The following VIPR2 variants were observed in gnomAD, a reference collection of about 807,000 sequenced individuals.
VIPR2 encodes the protein vasoactive intestinal polypeptide receptor 2.
A neutral mutation model predicts 58.0 loss-of-function variants in VIPR2; 48 were observed. The ratio of observed to expected loss-of-function variants is 0.83; its 90% CI spans 0.66 to 1.05. The LOEUF is 1.05. VIPR2 is among the 50% of genes least tolerant of loss of function. The pLI, the probability that VIPR2 is intolerant of heterozygous loss-of-function variation, is 0.00. For missense variants in VIPR2, 534 were observed against 558.0 expected (o/e 0.96, Z 0.43); for synonymous variants, 243 against 235.2 (o/e 1.03, Z -0.30).
intron 2 of VIPR2, among the ~76,000 whole-genome samples, chr7:159,134,663 CTTT>C (rs1380328529): frequency 6.9e-6 from 1 of 145,396 alleles, no homozygotes. Flanking sequence ...TATTTTCTTT[CTTT>C]TTTTTTTTTG....
At chr7:159,063,462 CGCTGGCCCGCAA>C (rs1563288012) in intron 4 of VIPR2, among the ~76,000 whole-genome samples, 2 of 151,958 alleles carry the variant, frequency 1.3e-5, no homozygotes, top group Admixed American at 1.3e-4. Flanking sequence ...CACGAACTTG[CGCTGGCCCGCAA>C]GGGCCGCGCA....
At chr7:159,041,476 A>C (rs1158891326) in intron 6 of VIPR2, among the ~76,000 whole-genome samples, 4 of 123,340 alleles carry the variant, frequency 3.2e-5, no homozygotes, top group Non-Finnish European at 5.2e-5. Context: ...GTTGCGGGTC[A>C]CTGCTTTCCA....
rs1224113162 is a variant in VIPR2, at chr7:159,029,671, T to G, written c.*945A>C. On this transcript the variant is annotated 3_prime_UTR_variant, in exon 13 of 13. Transcript: ENST00000262178. ...TCCCACAGGGCGGCAGGTGACCTCCTGAGGCAGAGCCAGAGCTGCTGAGGG... is the reference window on the plus strand; with the variant it reads ...TCCCACAGGGCGGCAGGTGACCTCCGGAGGCAGAGCCAGAGCTGCTGAGGG... 6.6e-6 allele frequency: 1 copy of G among 152,212 alleles called. No homozygotes were observed. Among genetic ancestry groups the G allele is most frequent in the South Asian group, 2.1e-4 (1 of 4,830 alleles). 9.4% of individuals were successfully genotyped at this position (152,212 alleles called of 1,614,324 possible). A position where few individuals can be genotyped will look rare whatever the true frequency, so the allele number is the denominator to read the frequency against.
intron 5 of VIPR2, among the ~76,000 whole-genome samples, chr7:159,056,394 G>A (rs7799941): frequency 4.6e-5 from 7 of 152,130 alleles, no homozygotes; most frequent in Non-Finnish European, 1.0e-4. Context: ...CAATACAGAG[G>A]GCTGACTGTA....
Position 159,098,551 on chromosome 7 carries a change from C to A in VIPR2, c.357+5206G>T, listed in dbSNP as rs560677463. Among the ~76,000 whole-genome samples, 1 of 152,204 alleles carries A rather than the reference C, an allele frequency of 6.6e-6. No homozygotes were observed. Among genetic ancestry groups the A allele is most frequent in the East Asian group, 1.9e-4 (1 of 5,136 alleles). On this transcript the variant is annotated intron_variant, in intron 4 of 12. Transcript: ENST00000262178. The surrounding 1 kb of genome is among the most constrained non-coding windows in gnomAD (Gnocchi z 5.2). ...CAGCAGGTGAGACCCCAAATAAAGG[C>A]CCAGACCATGGCCACGGCTGGTGCG...
intron 5 of VIPR2, among the ~76,000 whole-genome samples, chr7:159,043,733 G>A (rs1422774879): frequency 6.6e-6 from 1 of 152,166 alleles, no homozygotes; most frequent in Non-Finnish European, 1.5e-5. Flanking sequence ...ATAAACCCAA[G>A]GAGTTGTGTT....
chr7:159,031,829 TCA>T lies in VIPR2; in HGVS notation c.1140_1141del (p.Ser380ArgfsTer124), dbSNP rs991141840. Reference sequence around the variant, plus strand: ...GTTCCAAGGCGGCCATGAACTTACCTCACTGTTCAGGAAACAGTAGAGGACGG... The same window carrying T: ...GTTCCAAGGCGGCCATGAACTTACCTCTGTTCAGGAAACAGTAGAGGACGG... On this transcript the variant is annotated frameshift_variant and splice_region_variant, in exon 12 of 13. Coordinates refer to ENST00000262178, the MANE Select transcript of VIPR2 (RefSeq NM_003382.5). LOFTEE classifies it low-confidence loss of function (END_TRUNC). The surrounding 1 kb of genome is among the most constrained non-coding windows in gnomAD (Gnocchi z 4.0). The T allele has an allele frequency of 1.9e-6, 3 of 1,613,846 alleles. No individual in the cohort carries two copies. The African/African-American group carries it at 4.0e-5, about 22-fold the overall frequency.
rs2129492714 is a variant in VIPR2, at chr7:159,031,745, T to C, written c.1143+83A>G. 1 of 1,608,642 alleles carries C rather than the reference T, an allele frequency of 6.2e-7. No individual in the cohort carries two copies. The highest frequency in any genetic ancestry group is 8.5e-7 in the Non-Finnish European group (1 of 1,178,836). Reference sequence around the variant, plus strand: ...CGAGCCCGCGGAAGACAGGCATGTGTGGGGGCTGCGGCACCAGGCTGGGCA... The same window carrying C: ...CGAGCCCGCGGAAGACAGGCATGTGCGGGGGCTGCGGCACCAGGCTGGGCA... On this transcript the variant is annotated intron_variant, in intron 12 of 12. Transcript: ENST00000262178. This position sits in a 1 kb window ranked among gnomAD's most constrained non-coding sequence, Gnocchi z 4.0.
At chr7:159,053,794 T>C (rs1346915771) in intron 5 of VIPR2, among the ~76,000 whole-genome samples, 1 of 152,238 alleles carries the variant, frequency 6.6e-6, no homozygotes, top group Non-Finnish European at 1.5e-5. Flanking sequence ...GCAATCATTC[T>C]GTCTTGGCCT....
intron 5 of VIPR2, among the ~76,000 whole-genome samples, chr7:159,053,088 G>A (rs1210532034): frequency 2.6e-5 from 4 of 152,120 alleles, no homozygotes; most frequent in African/African-American, 9.7e-5. Flanking sequence ...GATTTAGTGA[G>A]GTTGCTGAAG....
At position 159,030,431 on chromosome 7, in the gene VIPR2, G is replaced by A. The variant is rs1454313632; in HGVS notation, c.*185C>T. 1.7e-6 allele frequency: 1 copy of A among 598,962 alleles called. No homozygotes were observed. The highest frequency in any genetic ancestry group is 3.3e-5 in the East Asian group (1 of 29,956). The allele number at this position is 598,962 out of a possible 1,614,324, so 37.1% of individuals were successfully genotyped here. On this transcript the variant is annotated 3_prime_UTR_variant, in exon 13 of 13. Coordinates refer to ENST00000262178, the MANE Select transcript of VIPR2 (RefSeq NM_003382.5). ...ATCTAAATGCTGGAGTTTAAATCGA[G>A]TCAATGACAACACGACTCCAATTCC...
chr7:159,075,890 C>A (rs556330075), intron 4 of VIPR2, among the ~76,000 whole-genome samples: 1 of 152,062 alleles, frequency 6.6e-6, no homozygotes, highest in African/African-American at 2.4e-5. Context: ...AGCCCAGGGC[C>A]GGCACCCAAG....
chr7:159,127,244 C>T lies in VIPR2; in HGVS notation c.151+15202G>A, dbSNP rs1796686844. Among the ~76,000 whole-genome samples the T allele has an allele frequency of 6.6e-6, 1 of 152,172 alleles. No individual in the cohort carries two copies. Among genetic ancestry groups the T allele is most frequent in the Non-Finnish European group, 1.5e-5 (1 of 68,030 alleles). ...TTGGGAAACGCCATCTCCTGGGACA[C>T]CGCCCTTAGGAGGCACCTGGAAACT... On this transcript the variant is annotated intron_variant, in intron 2 of 12. Transcript: ENST00000262178. This position sits in a 1 kb window ranked among gnomAD's most constrained non-coding sequence, Gnocchi z 4.6.
chr7:159,069,551 C>T (rs1856273483), intron 4 of VIPR2, among the ~76,000 whole-genome samples: 1 of 152,178 alleles, frequency 6.6e-6, no homozygotes, highest in Non-Finnish European at 1.5e-5. Flanking sequence ...TGGAGCCTCA[C>T]AAAAACTCTG....
rs2129495642 is a variant in VIPR2 at position 159,098,359 on chromosome 7, T to C, written c.357+5398A>G. Among the ~76,000 whole-genome samples the C allele has an allele frequency of 6.6e-6, 1 of 152,284 alleles. No individual in the cohort carries two copies. Among genetic ancestry groups the C allele is most frequent in the Non-Finnish European group, 1.5e-5 (1 of 68,016 alleles). On this transcript the variant is annotated intron_variant, in intron 4 of 12. Coordinates refer to ENST00000262178, the MANE Select transcript of VIPR2 (RefSeq NM_003382.5). The surrounding 1 kb of genome is among the most constrained non-coding windows in gnomAD (Gnocchi z 5.2). ...AGGAGCAGCTGTGGAGGGCAAGGAC[T>C]GGGGCCATTGCTCCTTGATACACTG... is the stretch of plus-strand genomic sequence containing the variant.
At chr7:159,051,177 A>C (rs980258143) in intron 5 of VIPR2, among the ~76,000 whole-genome samples, 6 of 152,246 alleles carry the variant, frequency 3.9e-5, no homozygotes, top group African/African-American at 1.4e-4. Flanking sequence ...AGCACCAGAA[A>C]GAAATGTTGA....
chr7:159,132,762 C>T (rs34243992), intron 2 of VIPR2, among the ~76,000 whole-genome samples: 52 of 145,054 alleles, frequency 3.6e-4, no homozygotes, highest in Middle Eastern at 3.7e-3. Context: ...GGCATACAGA[C>T]TGATTTCAGA....
intron 2 of VIPR2, among the ~76,000 whole-genome samples, chr7:159,119,999 C>A (rs1249697390): frequency 6.6e-6 from 1 of 152,172 alleles, no homozygotes; most frequent in Admixed American, 6.5e-5. Flanking sequence ...ATGCTTGTCC[C>A]CCTTGGGGAG....
rs543580795 is a variant in VIPR2, at chr7:159,128,029, G to A, written c.151+14417C>T. Among the ~76,000 whole-genome samples the A allele has an allele frequency of 3.3e-5, 5 of 152,180 alleles. No individual in the cohort carries two copies. The highest frequency in any genetic ancestry group is 1.9e-4 in the East Asian group (1 of 5,162). On this transcript the variant is annotated intron_variant, in intron 2 of 12. Coordinates refer to ENST00000262178, the MANE Select transcript of VIPR2 (RefSeq NM_003382.5). The surrounding 1 kb of genome is among the most constrained non-coding windows in gnomAD (Gnocchi z 4.1). ...ATCCACAGCGCCAGGACAAACCACC[G>A]CTCCCCCCACCTTGCAGCAGGGCCT...
Sources: gnomAD v4.1 joint callset for allele counts (sites outside exome capture counted in the v4.1 genomes callset) on GRCh38, gnomAD v4.1.1 for gene constraint, Gnocchi (gnomAD v3.1) non-coding constraint, MANE v1.5 for transcripts, NCBI Gene and HGNC (gene_info 2026-07-23, HGNC 2026-07-21) for gene names.